The following TTLL6 variants were observed in gnomAD, a reference collection of about 807,000 sequenced individuals.
TTLL6 encodes tubulin polyglutamylase TTLL6.
A neutral mutation model predicts 96.4 loss-of-function variants in TTLL6; 75 were observed. That is an observed-to-expected ratio of 0.78 (90% CI 0.65 to 0.94). The LOEUF (loss-of-function observed/expected upper bound fraction) is 0.94. TTLL6 is among the 40% of genes least tolerant of loss of function. TTLL6 has a pLI of 0.00. For synonymous variants in TTLL6, 411 were observed against 419.4 expected (o/e 0.98, Z 0.24); for missense variants, 1,030 against 1,093.0 (o/e 0.94, Z 0.81).
In TTLL6 at chr17:48,807,899, C is replaced by T. The variant is rs9797239; in HGVS notation, c.104-2908G>A. ...AGTCGCCCAGGCTGGAGTGCAGTGG[C>T]GCGGTCTCGGCTCACTGCAAGCTCC... On this transcript the variant is annotated intron_variant, in intron 1 of 15. Transcript: ENST00000393382. 1.6e-3 allele frequency among the ~76,000 whole-genome samples: 246 copies of T among 150,884 alleles called. 1 individual carries two copies. The highest frequency in any genetic ancestry group is 5.7e-3 in the African/African-American group (233 of 41,040).
chr17:48,779,809 G>A (rs1314818727), intron 13 of TTLL6, among the ~76,000 whole-genome samples: 2 of 152,072 alleles, frequency 1.3e-5, no homozygotes, highest in Non-Finnish European at 2.9e-5. Context: ...AGACACAAAA[G>A]AACATATACT....
Position 48,788,386 on chromosome 17 carries a change from G to A in TTLL6, c.1401-387C>T, listed in dbSNP as rs1480439239. On this transcript the variant is annotated intron_variant, in intron 10 of 15. Coordinates refer to ENST00000393382, the MANE Select transcript of TTLL6 (RefSeq NM_001130918.3). ...CTTTTGCCGAATTTGAGGGCTTCCT[G>A]GATGACCTTGATGACCGTTTACGAG... 3.3e-5 allele frequency among the ~76,000 whole-genome samples: 5 copies of A among 152,324 alleles called. No homozygotes were observed. The East Asian group carries it at 9.6e-4, about 29-fold the overall frequency.
intron 15 of TTLL6, among the ~76,000 whole-genome samples, chr17:48,766,275 G>A (rs141749369): frequency 6.8e-4 from 104 of 152,300 alleles, no homozygotes; most frequent in African/African-American, 2.3e-3. Flanking sequence ...AAGGAATAAA[G>A]TTCCTGTCTT....
chr17:48,815,118 T>A (rs1057403836), intron 1 of TTLL6, among the ~76,000 whole-genome samples: 1 of 152,176 alleles, frequency 6.6e-6, no homozygotes, highest in Non-Finnish European at 1.5e-5. Context: ...AACACGGGCA[T>A]CCTATAAATG....
At chr17:48,767,792 T>C (rs2038645896) in intron 15 of TTLL6, among the ~76,000 whole-genome samples, 1 of 152,148 alleles carries the variant, frequency 6.6e-6, no homozygotes, top group Non-Finnish European at 1.5e-5. Flanking sequence ...TCCTGGGGCC[T>C]TTTGCACGGT....
intron 8 of TTLL6, among the ~76,000 whole-genome samples, chr17:48,792,800 T>A (rs898751906): frequency 6.6e-6 from 1 of 152,164 alleles, no homozygotes; most frequent in African/African-American, 2.4e-5. Context: ...ATAAATGGAT[T>A]TTCCAGATCG....
chr17:48,771,703 GAACA>G (rs1252617404), intron 13 of TTLL6, among the ~76,000 whole-genome samples: 2 of 151,800 alleles, frequency 1.3e-5, no homozygotes, highest in Non-Finnish European at 2.9e-5. Context: ...CTCTTTAGAA[GAACA>G]AACAGAATCC....
At position 48,796,082 on chromosome 17, in the gene TTLL6, T is replaced by C. The variant is rs1214190540; in HGVS notation, c.977A>G (p.Asp326Gly). ...INKHSSNFSRDAHSGSKRKLS... is the reference protein window; with the variant it reads ...INKHSSNFSRGAHSGSKRKLS... The stretch of plus-strand genomic sequence containing the variant: ...TTACCTCTTACTGCCAGAGTGTGCA[T>C]CTCGACTGAAATTTGAACTGTGCTT... Residue 326 changes from aspartate (D) to glycine (G), a missense_variant, in exon 8 of 16, where the codon GAT becomes GGT. By Grantham distance (94) the Asp-to-Gly change is moderately conservative. Coordinates refer to ENST00000393382, the MANE Select transcript of TTLL6 (RefSeq NM_001130918.3). 1 of 1,551,362 alleles carries C rather than the reference T, an allele frequency of 6.4e-7. No homozygotes were observed. The highest frequency in any genetic ancestry group is 2.4e-5 in the East Asian group (1 of 40,930).
chr17:48,801,717 G>T (rs12947660), intron 3 of TTLL6, 74 bp from the exon 4 acceptor site: 428,560 of 1,276,574 alleles, frequency 0.34, 77,329 homozygotes, highest in Non-Finnish European at 0.37. Flanking sequence ...CCATTACTAG[G>T]TGCTCCCAGA....
Position 48,786,254 on chromosome 17 carries a change from C to G in TTLL6, c.1671G>C (p.Ser557=), listed in dbSNP as rs772889390. 2 of 1,614,112 alleles carry G rather than the reference C, an allele frequency of 1.2e-6. No homozygotes were observed. The change falls in exon 12 of 16, where the codon TCG becomes TCC. Residue 557 remains serine (S), a synonymous_variant. Coordinates refer to ENST00000393382, the MANE Select transcript of TTLL6 (RefSeq NM_001130918.3). ...MKKKVEMQGE[S]AGEQVRKKGM... Reference sequence around the variant, plus strand: ...CCTTCTTTCTCACTTGCTCGCCTGCCGATTCCCCCTGCATCTCTACCTTCT... The same window carrying G: ...CCTTCTTTCTCACTTGCTCGCCTGCGGATTCCCCCTGCATCTCTACCTTCT...
rs2039060684 is a variant in TTLL6 at position 48,785,024 on chromosome 17, T to C, written c.1939A>G (p.Asn647Asp). 1 of 1,614,144 alleles carries C rather than the reference T, an allele frequency of 6.2e-7. No individual in the cohort carries two copies. Among genetic ancestry groups the C allele is most frequent in the Non-Finnish European group, 8.5e-7 (1 of 1,179,998 alleles). Residue 647 changes from asparagine to aspartate, a missense_variant, in exon 13 of 16, where the codon AAT becomes GAT. Physicochemically the swap from Asn to Asp is conservative, Grantham distance 23. Coordinates refer to ENST00000393382, the MANE Select transcript of TTLL6 (RefSeq NM_001130918.3). ...KPFSSLPDLR[N>D]INLSSSKLEP... ...AACTTCGAGCTGCTGAGATTGATAT[T>C]CCTCAGATCGGGTAGAGAACTGAAG...
rs551171037 is a variant in TTLL6, at chr17:48,796,105, C to G, written c.954G>C (p.Lys318Asn). ...CATCTCGACTGAAATTTGAACTGTG[C>G]TTATTAATGGAATAATTAGTCAGGT... is the stretch of plus-strand genomic sequence containing the variant. ...CMHLTNYSIN[K>N]HSSNFSRDAH... Residue 318 changes from lysine to asparagine, a missense_variant, in exon 8 of 16, where the codon AAG becomes AAC. Coordinates refer to ENST00000393382, the MANE Select transcript of TTLL6 (RefSeq NM_001130918.3). 1.6e-5 allele frequency: 25 copies of G among 1,551,428 alleles called. No individual in the cohort carries two copies. In the Admixed American group the frequency reaches 4.9e-4, roughly 30 times the overall value.
intron 13 of TTLL6, among the ~76,000 whole-genome samples, chr17:48,771,569 T>C (rs1453587653): frequency 4.0e-5 from 6 of 151,468 alleles, no homozygotes; most frequent in Non-Finnish European, 7.4e-5. Flanking sequence ...GAGCTTGAGG[T>C]TATAGTGAGG....
chr17:48,788,133 A>G (rs1251955561), intron 10 of TTLL6, 134 bp from the exon 11 acceptor site: 3 of 767,252 alleles, frequency 3.9e-6, no homozygotes, highest in African/African-American at 3.5e-5. Flanking sequence ...AGGATTTGCT[A>G]AATAAATGCA....
intron 6 of TTLL6, 102 bp downstream of exon 6, chr17:48,799,502 C>T (rs1408103528): frequency 7.8e-7 from 1 of 1,283,856 alleles, no homozygotes; most frequent in Admixed American, 2.3e-5. Context: ...TCAGCTCCAC[C>T]TCCACCTTCA....
At chr17:48,813,690 C>T (rs1392288395) in intron 1 of TTLL6, among the ~76,000 whole-genome samples, 1 of 152,218 alleles carries the variant, frequency 6.6e-6, no homozygotes, top group African/African-American at 2.4e-5. Context: ...AACCTGGTAA[C>T]AGCTGTATTG....
intron 1 of TTLL6, among the ~76,000 whole-genome samples, chr17:48,814,251 G>A (rs751781499): frequency 2.0e-5 from 3 of 148,170 alleles, no homozygotes; most frequent in East Asian, 2.0e-4. Flanking sequence ...CCTGGGAGGC[G>A]GACGTTGCAG....
In TTLL6 at chr17:48,791,379, T is replaced by C; in HGVS notation, c.1223A>G (p.Glu408Gly). The C allele has an allele frequency of 6.2e-7, 1 of 1,613,916 alleles. No homozygotes were observed. Among genetic ancestry groups the C allele is most frequent in the Middle Eastern group, 1.7e-4 (1 of 5,976 alleles). The change falls in exon 9 of 16, where the codon GAG (glutamate) becomes GGG (glycine). Residue 408 changes from glutamate to glycine, a missense_variant and splice_region_variant. By Grantham distance (98) the Glu-to-Gly change is moderately conservative. Transcript: ENST00000393382. ...CGCCCCTCGCCCAAACTTCCCTACC[T>C]CCAGCAGCCAGGGTTTGAGTTTGTG... Reference protein sequence around the residue: ...LDHKLKPWLLEVNHSPSFSTD... With the variant: ...LDHKLKPWLLGVNHSPSFSTD...
Position 48,769,249 on chromosome 17 carries a change from G to T in TTLL6, c.2416C>A (p.Pro806Thr). The stretch of plus-strand genomic sequence containing the variant: ...GAGTGGCACTCCCCAGGCAGGGAGG[G>T]GTTTTCTGGAAAGGCAAAGTCAGAA... The part of the protein sequence containing the change: ...KLGMNNLSQN[P>T]SLPGECHSRS... Residue 806 changes from proline (P) to threonine (T), a missense_variant, in exon 15 of 16, where the codon CCC becomes ACC. Transcript: ENST00000393382. 1.3e-6 allele frequency: 2 copies of T among 1,596,608 alleles called. No homozygotes were observed. The highest frequency in any genetic ancestry group is 1.1e-5 in the South Asian group (1 of 89,754).
Sources: gnomAD v4.1 joint callset for allele counts (sites outside exome capture counted in the v4.1 genomes callset) on GRCh38, gnomAD v4.1.1 for gene constraint, MANE v1.5 for transcripts, NCBI Gene and HGNC (gene_info 2026-07-23, HGNC 2026-07-21) for gene names.